PPM1E: variants seen among roughly 807,000 people sequenced by gnomAD.
PPM1E encodes the protein protein phosphatase 1E.
Under a neutral mutation model 65.9 loss-of-function variants are expected in PPM1E, and 20 were observed. The ratio of observed to expected loss-of-function variants is 0.30; its 90% CI spans 0.21 to 0.44. The LOEUF (loss-of-function observed/expected upper bound fraction) is 0.44, where lower values mean the gene tolerates loss of function less well. PPM1E is among the 20% of genes least tolerant of loss of function. PPM1E has a pLI of 1.00. For missense variants in PPM1E, 713 were observed against 953.1 expected, an observed-to-expected ratio of 0.75 and a Z score of 3.32; for synonymous variants, 352 against 374.9, an observed-to-expected ratio of 0.94 and a Z score of 0.70.
At chr17:58,798,269 C>A (rs1371666305) in intron 1 of PPM1E, among the ~76,000 whole-genome samples, 1 of 138,976 alleles carries the variant, frequency 7.2e-6, no homozygotes, top group Non-Finnish European at 1.5e-5. Context: ...CGTTCTGTTG[C>A]CCAGGCTGGA....
intron 1 of PPM1E, among the ~76,000 whole-genome samples, chr17:58,927,901 C>T (rs957803986): frequency 4.0e-5 from 6 of 151,674 alleles, no homozygotes; most frequent in Admixed American, 3.9e-4. Context: ...TCTGTTAAAA[C>T]ATACAAAAAT....
chr17:58,814,431 C>CT (rs1463019333), intron 1 of PPM1E, among the ~76,000 whole-genome samples: 1 of 152,202 alleles, frequency 6.6e-6, no homozygotes, highest in Non-Finnish European at 1.5e-5. Flanking sequence ...CTATGTATTA[C>CT]TACCCCAATA....
intron 1 of PPM1E, among the ~76,000 whole-genome samples, chr17:58,811,404 T>G (rs1254624339): frequency 1.3e-5 from 2 of 152,226 alleles, no homozygotes; most frequent in African/African-American, 4.8e-5. Context: ...CGCAGAAAAT[T>G]TGGAATTTAT....
At chr17:58,902,733 G>A (rs368958965) in intron 1 of PPM1E, among the ~76,000 whole-genome samples, 6 of 152,240 alleles carry the variant, frequency 3.9e-5, no homozygotes, top group African/African-American at 1.4e-4. Flanking sequence ...AAGAAAAACA[G>A]TCTTTCAAAA....
chr17:58,873,571 T>TTATTAC (rs1326469382), intron 1 of PPM1E, among the ~76,000 whole-genome samples: 1 of 52,678 alleles, frequency 1.9e-5, no homozygotes, highest in East Asian at 4.3e-4. Flanking sequence ...CATAGTATTA[T>TTATTAC]TATTATTATT....
chr17:58,755,893 G>C lies in PPM1E; in HGVS notation c.-105G>C. ...TAGTGCTGATCGCTCGTGCCGGTGCGGCCGTTAACCGCCCTTGCCGGAGCC... is the reference window on the plus strand; with the variant it reads ...TAGTGCTGATCGCTCGTGCCGGTGCCGCCGTTAACCGCCCTTGCCGGAGCC... On this transcript the variant is annotated 5_prime_UTR_variant, in exon 1 of 7. Transcript: ENST00000308249. 6.5e-7 allele frequency: 1 copy of C among 1,530,748 alleles called. No homozygotes were observed. The highest frequency in any genetic ancestry group is 2.1e-5 in the Admixed American group (1 of 47,432). 94.8% of individuals were successfully genotyped at this position (1,530,748 alleles called of 1,614,324 possible).
chr17:58,842,131 A>T (rs991738793), intron 1 of PPM1E, among the ~76,000 whole-genome samples: 4 of 152,104 alleles, frequency 2.6e-5, no homozygotes, highest in African/African-American at 9.7e-5. Flanking sequence ...CATGGGAGCC[A>T]CAGTGCCCAG....
chr17:58,874,690 T>C (rs2051109717), intron 1 of PPM1E, among the ~76,000 whole-genome samples: 1 of 152,126 alleles, frequency 6.6e-6, no homozygotes. Flanking sequence ...CTCAGAAAGA[T>C]TGAGCATTTT....
At chr17:58,804,487 C>T (rs189235354) in intron 1 of PPM1E, among the ~76,000 whole-genome samples, 29 of 152,112 alleles carry the variant, frequency 1.9e-4, no homozygotes, top group African/African-American at 7.0e-4. Context: ...TCAATATTTT[C>T]ATACACTTTT....
chr17:58,925,893 C>T (rs2051817929), intron 1 of PPM1E, among the ~76,000 whole-genome samples: 1 of 152,064 alleles, frequency 6.6e-6, no homozygotes, highest in Admixed American at 6.6e-5. Flanking sequence ...CAATAAGGAG[C>T]AAGTCCCTAA....
intron 1 of PPM1E, among the ~76,000 whole-genome samples, chr17:58,941,983 G>A (rs1036835768): frequency 2.7e-4 from 40 of 149,704 alleles, no homozygotes; most frequent in African/African-American, 9.9e-4. Context: ...CCAGCCTGGG[G>A]GACAAGACCG....
chr17:58,786,536 T>C (rs2050102924), intron 1 of PPM1E, among the ~76,000 whole-genome samples: 1 of 152,224 alleles, frequency 6.6e-6, no homozygotes, highest in South Asian at 2.1e-4. Flanking sequence ...GACAAAGGGA[T>C]GATTCATGTC....
At chr17:58,832,339 A>G (rs772291991) in intron 1 of PPM1E, among the ~76,000 whole-genome samples, 1 of 152,146 alleles carries the variant, frequency 6.6e-6, no homozygotes, top group Non-Finnish European at 1.5e-5. Context: ...GTAAATTATT[A>G]TCATTTTCTT....
intron 1 of PPM1E, among the ~76,000 whole-genome samples, chr17:58,862,539 A>G (rs2050953308): frequency 6.6e-6 from 1 of 152,218 alleles, no homozygotes; most frequent in Admixed American, 6.5e-5. Context: ...ATTCATTACT[A>G]GAATATACTT....
rs1231194460 is a variant in PPM1E at position 58,984,965 on chromosome 17, T to TCTC, written c.*3935_*3937dup. 6.5e-6 allele frequency: 1 copy of TCTC among 152,684 alleles called. No individual in the cohort carries two copies. Among genetic ancestry groups the TCTC allele is most frequent in the Admixed American group, 6.5e-5 (1 of 15,286 alleles). The allele number at this position is 152,684 out of a possible 1,614,324, so 9.5% of individuals were successfully genotyped here. ...GCTTTGTTCTCTTGTTCATAACATT[T>TCTC]CTCTGCAAAGAATTCTCTATGGAGT... is the stretch of plus-strand genomic sequence containing the variant. On this transcript the variant is annotated 3_prime_UTR_variant, in exon 7 of 7. Transcript: ENST00000308249.
chr17:58,972,030 G>A (rs577779814), intron 4 of PPM1E, 102 bp from the exon 5 acceptor site: 4 of 1,114,138 alleles, frequency 3.6e-6, no homozygotes, highest in African/African-American at 3.2e-5. Flanking sequence ...ATTATTAATA[G>A]TATAGCTCCC....
rs984808593 is a variant in PPM1E at position 58,912,719 on chromosome 17, G to T, written c.465-42930G>T. On this transcript the variant is annotated intron_variant, in intron 1 of 6. Coordinates refer to ENST00000308249, the MANE Select transcript of PPM1E (RefSeq NM_014906.5). ...GCTCCTAGTTAGCCTCAGGATGGGG[G>T]TGCTGGTTGCCAGGAGAATGGACCA... 4.6e-5 allele frequency among the ~76,000 whole-genome samples: 7 copies of T among 152,294 alleles called. 1 individual carries two copies. Among genetic ancestry groups the T allele is most frequent in the African/African-American group, 4.8e-5 (2 of 41,564 alleles).
At chr17:58,756,586 G>T in intron 1 of PPM1E, 125 bp downstream of exon 1, 1 of 1,123,072 alleles carries the variant, frequency 8.9e-7, no homozygotes, top group Non-Finnish European at 1.1e-6. Flanking sequence ...CGCGCCTGCC[G>T]CCGCTGAAAG....
intron 6 of PPM1E, 122 bp from the exon 7 acceptor site, chr17:58,979,852 T>C (rs2031259898): frequency 1.3e-6 from 1 of 749,722 alleles, no homozygotes. Flanking sequence ...ATAAATTCTT[T>C]CCAGTCAAGT....
Sources: allele counts gnomAD v4.1 joint callset (sites outside exome capture counted in the v4.1 genomes callset), GRCh38; gene constraint gnomAD v4.1.1; transcripts MANE v1.5; gene names NCBI Gene and HGNC (gene_info 2026-07-23, HGNC 2026-07-21).